Variants in ALPK3 observed in about 807,000 individuals in gnomAD.
ALPK3 encodes alpha kinase 3.
ALPK3 carries 102 observed loss-of-function variants against 140.0 expected under a neutral mutation model. That is an observed-to-expected ratio of 0.73 (90% CI 0.62 to 0.86). ALPK3 has a LOEUF of 0.86. Ranked by LOEUF, ALPK3 falls within the 40% of genes least tolerant of loss-of-function variation. The probability of loss-of-function intolerance (pLI) is 0.00; values close to 1 mark genes in which losing one functional copy is unlikely to be tolerated. For missense variants in ALPK3, 2,254 were observed against 2,208.2 expected (o/e 1.02, Z -0.42); for synonymous variants, 938 against 898.5 (o/e 1.04, Z -0.79).
rs1220473903 is a variant in ALPK3, at chr15:84,839,757, A to G, written c.478A>G (p.Ile160Val). Reference sequence around the variant, plus strand: ...GGCCTCTGCCCAGAACAGCAAGGGCATTGTGTCCTGCTCAGGGGTCCTGGA... The same window carrying G: ...GGCCTCTGCCCAGAACAGCAAGGGCGTTGTGTCCTGCTCAGGGGTCCTGGA... ...YQASAQNSKG[I>V]VSCSGVLEVG... The change falls in exon 5 of 14, where the codon ATT (isoleucine) becomes GTT (valine). Residue 160 changes from isoleucine (I) to valine (V), a missense_variant. By Grantham distance (29) the Ile-to-Val change is conservative. Coordinates refer to ENST00000258888, the MANE Select transcript of ALPK3 (RefSeq NM_020778.5). 6.2e-7 allele frequency: 1 copy of G among 1,614,154 alleles called. No individual in the cohort carries two copies. The highest frequency in any genetic ancestry group is 1.7e-5 in the Admixed American group (1 of 60,030).
rs559859983 is a variant in ALPK3, at chr15:84,855,152, G to A, written c.1654-1240G>A. Among the ~76,000 whole-genome samples the A allele has an allele frequency of 3.9e-5, 6 of 152,228 alleles. No homozygotes were observed. The East Asian group carries it at 9.7e-4, about 24-fold the overall frequency. ...TCCTTGTCTGCTCTGCTCATCTGCCGTGTCTTCGGCCAGTTTCCACCCAGG... is the reference window on the plus strand; with the variant it reads ...TCCTTGTCTGCTCTGCTCATCTGCCATGTCTTCGGCCAGTTTCCACCCAGG... On this transcript the variant is annotated intron_variant, in intron 5 of 13. Transcript: ENST00000258888.
At chr15:84,855,093 C>A (rs1177718612) in intron 5 of ALPK3, among the ~76,000 whole-genome samples, 1 of 152,174 alleles carries the variant, frequency 6.6e-6, no homozygotes, top group Non-Finnish European at 1.5e-5. Flanking sequence ...TAGCTGCCAG[C>A]GTTTTCTGAG....
intron 5 of ALPK3, among the ~76,000 whole-genome samples, chr15:84,841,640 G>C (rs562346527): frequency 6.6e-6 from 1 of 152,296 alleles, no homozygotes; most frequent in South Asian, 2.1e-4. Context: ...ATCTTCTAGG[G>C]AACAGGTAGC....
intron 5 of ALPK3, 66 bp downstream of exon 5, chr15:84,840,998 C>CA: frequency 6.7e-7 from 1 of 1,483,280 alleles, no homozygotes; most frequent in Non-Finnish European, 8.9e-7. Context: ...ACTCTTGCTG[C>CA]AACTGCTGGG....
chr15:84,864,046 T>A (rs1464175513), intron 11 of ALPK3, among the ~76,000 whole-genome samples: 1 of 152,184 alleles, frequency 6.6e-6, no homozygotes, highest in Non-Finnish European at 1.5e-5. Context: ...GGCAATTGTT[T>A]GCATTTTGAG....
chr15:84,856,359 G>A (rs1480945897), intron 5 of ALPK3, 33 bp from the exon 6 acceptor site: 3 of 1,560,950 alleles, frequency 1.9e-6, no homozygotes, highest in South Asian at 2.5e-5. Flanking sequence ...TGTCCATGTA[G>A]TTAAATCCTT....
chr15:84,836,211 A>G (rs1199527878), intron 3 of ALPK3, among the ~76,000 whole-genome samples: 1 of 152,188 alleles, frequency 6.6e-6, no homozygotes, highest in Non-Finnish European at 1.5e-5. Flanking sequence ...GGGTGCATCA[A>G]GCTGGGGGAG....
At chr15:84,854,170 A>T (rs1002303535) in intron 5 of ALPK3, among the ~76,000 whole-genome samples, 1 of 145,220 alleles carries the variant, frequency 6.9e-6, no homozygotes, top group Non-Finnish European at 1.5e-5. Flanking sequence ...AAAAATATTT[A>T]TATGTTATAA....
chr15:84,819,319 C>G (rs1963397643), intron 1 of ALPK3, among the ~76,000 whole-genome samples: 1 of 152,210 alleles, frequency 6.6e-6, no homozygotes, highest in Non-Finnish European at 1.5e-5. Context: ...GGGGGCAGGA[C>G]AGCAGGAGTG....
At chr15:84,821,862 A>G (rs908476510) in intron 1 of ALPK3, among the ~76,000 whole-genome samples, 8 of 152,168 alleles carry the variant, frequency 5.3e-5, no homozygotes, top group African/African-American at 1.9e-4. Context: ...GTTGAGCAGT[A>G]GGAGGGAGGA....
chr15:84,839,909 C>T lies in ALPK3; in HGVS notation c.630C>T (p.Val210=), dbSNP rs755716847. ...WKHEKAVPGE[V]DTLRKLSPDR... ...ACGAGAAGGCGGTGCCTGGGGAGGT[C>T]GACACTCTGCGCAAGCTCAGCCCCG... Residue 210 remains valine, a synonymous_variant, in exon 5 of 14, where the codon GTC becomes GTT. Transcript: ENST00000258888. 3.1e-6 allele frequency: 5 copies of T among 1,613,712 alleles called. No individual in the cohort carries two copies. The South Asian group carries it at 5.5e-5, about 18-fold the overall frequency.
chr15:84,858,840 C>G (rs938084257), intron 6 of ALPK3, among the ~76,000 whole-genome samples: 9 of 152,184 alleles, frequency 5.9e-5, no homozygotes, highest in Admixed American at 5.9e-4. Flanking sequence ...GCTTTAGTAG[C>G]GTTCTAGCTC....
intron 12 of ALPK3, 55 bp from the exon 13 acceptor site, chr15:84,867,262 G>A (rs1320002242): frequency 6.3e-7 from 1 of 1,579,906 alleles, no homozygotes; most frequent in Non-Finnish European, 8.7e-7. Context: ...CTGGAGATGT[G>A]GGGGCTTAGA....
At chr15:84,864,692 A>C (rs1205736419) in intron 12 of ALPK3, 27 bp downstream of exon 12, 1 of 1,603,126 alleles carries the variant, frequency 6.2e-7, no homozygotes, top group Non-Finnish European at 8.5e-7. Context: ...GTGCACGGGT[A>C]CGCATGTGCA....
chr15:84,858,164 G>T lies in ALPK3; in HGVS notation c.3426G>T (p.Lys1142Asn). 6.2e-7 allele frequency: 1 copy of T among 1,610,226 alleles called. No individual in the cohort carries two copies. Among genetic ancestry groups the T allele is most frequent in the African/African-American group, 1.3e-5 (1 of 74,772 alleles). ...CCCAGGAGCCCTCCCAAGAGGAGAA[G>T]TTCCCAGGGGAGGCTCTGACAGGTC... ...SIAQEPSQEEKFPGEALTGLP... is the reference protein window; with the variant it reads ...SIAQEPSQEENFPGEALTGLP... Residue 1142 changes from lysine to asparagine, a missense_variant, in exon 6 of 14, where the codon AAG becomes AAT. Lys to Asn is a moderately conservative substitution (Grantham distance 94, BLOSUM62 0). Transcript: ENST00000258888.
At chr15:84,852,590 GT>G in intron 5 of ALPK3, 2 of 301,768 alleles carry the variant, frequency 6.6e-6, no homozygotes, top group South Asian at 3.1e-5. Flanking sequence ...AGAGCTCTTG[GT>G]TTTGCAGCCT....
chr15:84,819,405 C>G (rs1329351902), intron 1 of ALPK3, among the ~76,000 whole-genome samples: 1 of 152,176 alleles, frequency 6.6e-6, no homozygotes, highest in East Asian at 1.9e-4. Context: ...AGCCACAGAC[C>G]CCTAGAGGTT....
Position 84,862,760 on chromosome 15 carries a change from G to A in ALPK3, c.4255G>A (p.Gly1419Ser), listed in dbSNP as rs1369150813. ...EELRGGGYGC[G>S]LRKASQAKVI... is the part of the protein sequence containing the mutation. ...GCTCCGAGGGGGTGGATATGGGTGTGGCCTTCGGAAGGCCTCCCAGGCCAA... is the reference window on the plus strand; with the variant it reads ...GCTCCGAGGGGGTGGATATGGGTGTAGCCTTCGGAAGGCCTCCCAGGCCAA... The change falls in exon 10 of 14, where the codon GGC becomes AGC. Residue 1419 changes from glycine (G) to serine (S), a missense_variant. Coordinates refer to ENST00000258888, the MANE Select transcript of ALPK3 (RefSeq NM_020778.5). 3 of 1,614,032 alleles carry A rather than the reference G, an allele frequency of 1.9e-6. No individual in the cohort carries two copies. The highest frequency in any genetic ancestry group is 2.5e-6 in the Non-Finnish European group (3 of 1,180,026).
chr15:84,865,402 G>C (rs912161082), intron 12 of ALPK3, among the ~76,000 whole-genome samples: 2 of 152,076 alleles, frequency 1.3e-5, no homozygotes, highest in Non-Finnish European at 2.9e-5. Flanking sequence ...GGACTCAAAT[G>C]TGTGTTTCAC....
Sources: allele counts gnomAD v4.1 joint callset (sites outside exome capture counted in the v4.1 genomes callset), GRCh38; gene constraint gnomAD v4.1.1; transcripts MANE v1.5; gene names NCBI Gene and HGNC (gene_info 2026-07-23, HGNC 2026-07-21).